The following TMC6 variants were observed in gnomAD, a reference collection of about 807,000 sequenced individuals.
TMC6 encodes the protein transmembrane channel-like protein 6.
A neutral mutation model predicts 95.4 loss-of-function variants in TMC6; 71 were observed. The observed-to-expected ratio is 0.74, with a 90% CI of 0.61 to 0.91. The LOEUF (loss-of-function observed/expected upper bound fraction) is 0.91, where lower values mean the gene tolerates loss of function less well. Among genes scored for constraint, TMC6 ranks in the 40% least tolerant of loss-of-function variants. The pLI is 0.00. For missense variants in TMC6, 1,074 were observed against 1,079.1 expected (o/e 1.00, Z 0.07); for synonymous variants, 514 against 483.1 (o/e 1.06, Z -0.84).
Position 78,125,060 on chromosome 17 carries a change from C to G in TMC6, c.537-75G>C, listed in dbSNP as rs1288511765. 5 of 1,540,662 alleles carry G rather than the reference C, an allele frequency of 3.2e-6. No homozygotes were observed. In the Admixed American group the frequency reaches 5.9e-5, roughly 18 times the overall value. ...CTCTCCTTCCTGGAGACCGGCCACC[C>G]ACGGGCTCAGCCCCTTCTCCCCCAC... On this transcript the variant is annotated intron_variant, in intron 6 of 19. Transcript: ENST00000590602.
In TMC6 at chr17:78,109,011, G is replaced by T. The variant is rs1057099091; in HGVS notation, c.*4137C>A. On this transcript the variant is annotated 3_prime_UTR_variant, in exon 20 of 20. Coordinates refer to ENST00000590602, the MANE Select transcript of TMC6 (RefSeq NM_001127198.5). Reference sequence around the variant, plus strand: ...AGGCATGCATGCGCCACCCCACCCAGCTCATTTCATTTTTTATTTTTGTAG... The same window carrying T: ...AGGCATGCATGCGCCACCCCACCCATCTCATTTCATTTTTTATTTTTGTAG... The T allele has an allele frequency of 1.2e-5, 2 of 168,068 alleles. No homozygotes were observed. The highest frequency in any genetic ancestry group is 4.8e-5 in the African/African-American group (2 of 41,742). The allele number at this position is 168,068 out of a possible 1,614,324, so 10.4% of individuals were successfully genotyped here.
In TMC6 at chr17:78,109,816, C is replaced by T. The variant is rs932532656; in HGVS notation, c.*3332G>A. 16 of 338,924 alleles carry T rather than the reference C, an allele frequency of 4.7e-5. No homozygotes were observed. Among genetic ancestry groups the T allele is most frequent in the Middle Eastern group, 4.0e-4 (1 of 2,478 alleles). 21.0% of individuals were successfully genotyped at this position (338,924 alleles called of 1,614,324 possible). ...GCATGGTGGCTCATGCCTGTAATCCCAGCACTTTGGGAGTCCGAGGCGGGC... is the reference window on the plus strand; with the variant it reads ...GCATGGTGGCTCATGCCTGTAATCCTAGCACTTTGGGAGTCCGAGGCGGGC... On this transcript the variant is annotated 3_prime_UTR_variant, in exon 20 of 20. Transcript: ENST00000590602.
chr17:78,124,302 G>A, intron 8 of TMC6, 123 bp from the exon 9 acceptor site: 1 of 1,400,904 alleles, frequency 7.1e-7, no homozygotes, highest in Non-Finnish European at 9.7e-7. Context: ...AAACAGGGAG[G>A]GGCCTTGGCC....
chr17:78,131,358 A>C, upstream of TMC6: 2 of 617,788 alleles, frequency 3.2e-6, no homozygotes, highest in Non-Finnish European at 2.8e-6. Context: ...CCGCAGCAGG[A>C]TTCTCTCTCA....
At chr17:78,126,199 C>T in intron 4 of TMC6, 78 bp downstream of exon 4, 1 of 1,517,876 alleles carries the variant, frequency 6.6e-7, no homozygotes, top group South Asian at 1.2e-5. Context: ...AGATGCCTGG[C>T]AGGAAGCCCA....
intron 18 of TMC6, among the ~76,000 whole-genome samples, chr17:78,114,419 G>T (rs144900576): frequency 1.3e-5 from 2 of 152,114 alleles, no homozygotes; most frequent in Non-Finnish European, 2.9e-5. Context: ...CCCCAGCCAC[G>T]CAACGTAACG....
chr17:78,109,333 T>G lies in TMC6; in HGVS notation c.*3815A>C. 1 of 387,626 alleles carries G rather than the reference T, an allele frequency of 2.6e-6. No homozygotes were observed. Among genetic ancestry groups the G allele is most frequent in the Non-Finnish European group, 5.2e-6 (1 of 190,886 alleles). The allele number at this position is 387,626 out of a possible 1,614,324, so 24.0% of individuals were successfully genotyped here. A position where few individuals can be genotyped will look rare whatever the true frequency, so the allele number is the denominator to read the frequency against. ...ATCCCGAGAAGATCCTCTGCAGGAG[T>G]GCGGTGTCTACGGATGGACCAAGAA... is the stretch of plus-strand genomic sequence containing the variant. On this transcript the variant is annotated 3_prime_UTR_variant, in exon 20 of 20. Transcript: ENST00000590602.
Position 78,122,807 on chromosome 17 carries a change from GGAGAAGGC to G in TMC6, c.1083-66_1083-59del. On this transcript the variant is annotated intron_variant, in intron 9 of 19. Coordinates refer to ENST00000590602, the MANE Select transcript of TMC6 (RefSeq NM_001127198.5). This position sits in a 1 kb window ranked among gnomAD's most constrained non-coding sequence, Gnocchi z 4.9. ...ACAAGCTGACGGGCAGAGGCCAAGG[GGAGAAGGC>G]AGACCGGATGCTCTGGGCAGCCAGA... 1 of 1,578,810 alleles carries G rather than the reference GGAGAAGGC, an allele frequency of 6.3e-7. No individual in the cohort carries two copies.
chr17:78,132,027 G>A (rs1468807538), upstream of TMC6: 1 of 1,533,982 alleles, frequency 6.5e-7, no homozygotes. Context: ...CTACGAGATC[G>A]GGGGTAGGAC....
intron 18 of TMC6, among the ~76,000 whole-genome samples, chr17:78,115,341 T>C (rs985691018): frequency 1.3e-5 from 2 of 152,042 alleles, no homozygotes; most frequent in Admixed American, 6.5e-5. Context: ...AGCCCTGGTG[T>C]GGAGCATGCC....
At position 78,121,063 on chromosome 17, in the gene TMC6, G is replaced by A. The variant is rs548965077; in HGVS notation, c.1485C>T (p.Ala495=). The change falls in exon 12 of 20, where the codon GCC becomes GCT. Residue 495 remains alanine, a synonymous_variant. Coordinates refer to ENST00000590602, the MANE Select transcript of TMC6 (RefSeq NM_001127198.5). The surrounding 1 kb of genome is among the most constrained non-coding windows in gnomAD (Gnocchi z 5.6). ...GAPYLCRVLA[A]LEPHDSPVLE... is the part of the protein sequence containing the mutation. ...GTACCGGGGAGTCATGCGGCTCCAG[G>A]GCGGCCAGGACACGGCACAGGTAGG... The A allele has an allele frequency of 9.3e-6, 15 of 1,613,148 alleles. No homozygotes were observed. Among genetic ancestry groups the A allele is most frequent in the South Asian group, 2.2e-5 (2 of 91,092 alleles).
intron 5 of TMC6, 89 bp from the exon 6 acceptor site, chr17:78,125,352 T>C: frequency 8.4e-7 from 1 of 1,193,142 alleles, no homozygotes; most frequent in Non-Finnish European, 1.2e-6. Context: ...TGTGTGTCCC[T>C]GCGGCACCGT....
In TMC6 at chr17:78,121,196, G is replaced by GC. The variant is rs770467740; in HGVS notation, c.1384-33dup. The GC allele has an allele frequency of 1.9e-6, 3 of 1,559,310 alleles. No individual in the cohort carries two copies. The highest frequency in any genetic ancestry group is 2.6e-6 in the Non-Finnish European group (3 of 1,153,668). On this transcript the variant is annotated intron_variant, in intron 11 of 19. Coordinates refer to ENST00000590602, the MANE Select transcript of TMC6 (RefSeq NM_001127198.5). The surrounding 1 kb of genome is among the most constrained non-coding windows in gnomAD (Gnocchi z 5.6). ...GGGTGCAGGGAGCGGTGTCATGGAA[G>GC]CCCCCCATCCATGGTGGGAGCGGGC... is the stretch of plus-strand genomic sequence containing the variant.
At chr17:78,114,268 C>T (rs899508871) in intron 18 of TMC6, among the ~76,000 whole-genome samples, 15 of 152,142 alleles carry the variant, frequency 9.9e-5, no homozygotes, top group African/African-American at 3.6e-4. Flanking sequence ...TCACGTGGCA[C>T]CACTCTGACC....
At position 78,121,822 on chromosome 17, in the gene TMC6, C is replaced by T. The variant is rs2074430151; in HGVS notation, c.1228-111G>A. On this transcript the variant is annotated intron_variant, in intron 10 of 19. Coordinates refer to ENST00000590602, the MANE Select transcript of TMC6 (RefSeq NM_001127198.5). This position sits in a 1 kb window ranked among gnomAD's most constrained non-coding sequence, Gnocchi z 5.6. ...CATGAGACACACCAGGAGGCTTGAA[C>T]CAGGACAGAGGGCCAGTTCCCCATG... 7.2e-7 allele frequency: 1 copy of T among 1,385,534 alleles called. No individual in the cohort carries two copies. 85.8% of individuals were successfully genotyped at this position (1,385,534 alleles called of 1,614,324 possible).
Position 78,126,342 on chromosome 17 carries a change from C to T in TMC6, c.206G>A (p.Arg69Gln), listed in dbSNP as rs771870457. 1.3e-5 allele frequency: 20 copies of T among 1,582,988 alleles called. No individual in the cohort carries two copies. Among genetic ancestry groups the T allele is most frequent in the South Asian group, 2.3e-5 (2 of 88,314 alleles). Reference protein sequence around the residue: ...VTGSSQQTLWRPEGTQSTATL... With the variant: ...VTGSSQQTLWQPEGTQSTATL... ...GGCCGTGCTCTGGGTGCCCTCGGGC[C>T]GCCAGAGTGTCTGCTGGCTACTTCC... Residue 69 changes from arginine (R) to glutamine (Q), a missense_variant, in exon 4 of 20, where the codon CGG becomes CAG. Transcript: ENST00000590602.
chr17:78,108,295 C>G lies in TMC6; in HGVS notation c.*4853G>C, dbSNP rs574599845. The G allele has an allele frequency of 2.6e-3, 395 of 154,514 alleles. 2 individuals carry two copies. The highest frequency in any genetic ancestry group is 2.2e-3 in the Non-Finnish European group (148 of 68,246). 9.6% of individuals were successfully genotyped at this position (154,514 alleles called of 1,614,324 possible). On this transcript the variant is annotated 3_prime_UTR_variant, in exon 20 of 20. Transcript: ENST00000590602. ...GAAGGTGGTGTGCTGCTGGCTCTGA[C>G]CATACTCTTTTGGAAATTGAGAAGG...
chr17:78,124,186 C>T lies in TMC6; in HGVS notation c.892-7G>A. 1 of 1,610,982 alleles carries T rather than the reference C, an allele frequency of 6.2e-7. No individual in the cohort carries two copies. The highest frequency in any genetic ancestry group is 2.2e-5 in the East Asian group (1 of 44,880). ...CGGTGTGGGTGAAGCAACCCTGCCA[C>T]AGGGAGATCCAGCCGAGTCAGGGAC... is the stretch of plus-strand genomic sequence containing the variant. On this transcript the variant is annotated splice_region_variant and splice_polypyrimidine_tract_variant and intron_variant, in intron 8 of 19. Transcript: ENST00000590602.
At position 78,117,647 on chromosome 17, in the gene TMC6, G is replaced by A. The variant is rs1363065689; in HGVS notation, c.2022-3C>T. 6 of 1,566,462 alleles carry A rather than the reference G, an allele frequency of 3.8e-6. No individual in the cohort carries two copies. Among genetic ancestry groups the A allele is most frequent in the Non-Finnish European group, 5.2e-6 (6 of 1,156,466 alleles). ...CGCAGGTGCTCGAGGGCTTCACCCT[G>A]GGGAAGATGCCGACCAGGAACCCTC... is the stretch of plus-strand genomic sequence containing the variant. On this transcript the variant is annotated splice_polypyrimidine_tract_variant and splice_region_variant and intron_variant, in intron 16 of 19. Transcript: ENST00000590602.
Sources: gnomAD v4.1 joint callset for allele counts (sites outside exome capture counted in the v4.1 genomes callset) on GRCh38, gnomAD v4.1.1 for gene constraint, Gnocchi (gnomAD v3.1) non-coding constraint, MANE v1.5 for transcripts, NCBI Gene and HGNC (gene_info 2026-07-23, HGNC 2026-07-21) for gene names.